The following SAE1 variants were observed in gnomAD, a reference collection of about 807,000 sequenced individuals.
The protein encoded by SAE1 is SUMO1 activating enzyme subunit 1.
Under a neutral mutation model 40.6 loss-of-function variants are expected in SAE1, and 11 were observed. That is an observed-to-expected ratio of 0.27 (90% CI 0.17 to 0.45). The LOEUF is 0.45. SAE1 is among the 20% of genes least tolerant of loss of function. The probability of loss-of-function intolerance (pLI) is 1.00; values close to 1 mark genes in which losing one functional copy is unlikely to be tolerated. For synonymous variants in SAE1, 155 were observed against 154.3 expected, an observed-to-expected ratio of 1.00 and a Z score of -0.03; for missense variants, 373 against 427.3, an observed-to-expected ratio of 0.87 and a Z score of 1.12.
chr19:47,147,305 C>T (rs2123201390), intron 2 of SAE1, among the ~76,000 whole-genome samples: 1 of 142,088 alleles, frequency 7.0e-6, no homozygotes, highest in South Asian at 2.3e-4. Flanking sequence ...TTCCTGGGCT[C>T]AGGGTATTCT....
chr19:47,177,840 G>A (rs1029343978), intron 6 of SAE1, among the ~76,000 whole-genome samples: 4 of 152,128 alleles, frequency 2.6e-5, no homozygotes, highest in African/African-American at 9.7e-5. Flanking sequence ...TGGGAAAGAG[G>A]GAAGAATATT....
At chr19:47,157,496 C>G (rs1157882151) in intron 5 of SAE1, among the ~76,000 whole-genome samples, 1 of 152,218 alleles carries the variant, frequency 6.6e-6, no homozygotes, top group Non-Finnish European at 1.5e-5. Flanking sequence ...AGGTCTTTCA[C>G]ATTCAAATGG....
At chr19:47,163,728 AAAATAAAT>A (rs996069051) in intron 5 of SAE1, among the ~76,000 whole-genome samples, 1 of 152,124 alleles carries the variant, frequency 6.6e-6, no homozygotes, top group Non-Finnish European at 1.5e-5. Context: ...CTCTATCTCA[AAAATAAAT>A]AAATAAATAA....
Position 47,143,955 on chromosome 19 carries a change from G to T in SAE1, c.210+350G>T, listed in dbSNP as rs117068689. ...AGTGACTAACTGAAAATGCAGAGTG[G>T]CCTGGAGGCTTCGTGGTGCCCTAGC... On this transcript the variant is annotated intron_variant, in intron 2 of 8. Coordinates refer to ENST00000270225, the MANE Select transcript of SAE1 (RefSeq NM_005500.3). 5.2e-3 allele frequency among the ~76,000 whole-genome samples: 787 copies of T among 152,278 alleles called. 2 individuals carry two copies. Among genetic ancestry groups the T allele is most frequent in the Non-Finnish European group, 9.0e-3 (609 of 68,030 alleles).
intron 1 of SAE1, among the ~76,000 whole-genome samples, chr19:47,132,536 T>G (rs2123169002): frequency 6.6e-6 from 1 of 151,600 alleles, no homozygotes; most frequent in Non-Finnish European, 1.5e-5. Flanking sequence ...CTCAGACTCC[T>G]AAAATGCTGG....
chr19:47,176,693 C>T (rs927944013), intron 6 of SAE1, among the ~76,000 whole-genome samples: 4 of 152,110 alleles, frequency 2.6e-5, no homozygotes, highest in Non-Finnish European at 5.9e-5. Flanking sequence ...ACCTGCTGTC[C>T]GCATGCATGT....
chr19:47,173,966 A>G (rs1307843976), intron 6 of SAE1, among the ~76,000 whole-genome samples: 1 of 151,702 alleles, frequency 6.6e-6, no homozygotes, highest in Non-Finnish European at 1.5e-5. Context: ...TTGTATTTTT[A>G]GTAGAGACGG....
At chr19:47,185,953 A>T (rs890698706) in intron 6 of SAE1, among the ~76,000 whole-genome samples, 5 of 149,436 alleles carry the variant, frequency 3.3e-5, no homozygotes, top group Middle Eastern at 3.2e-3. Flanking sequence ...AAAAATGCTT[A>T]TTGGCCCCGG....
rs185613942 is a variant in SAE1 at position 47,140,115 on chromosome 19, T to C, written c.99-3379T>C. On this transcript the variant is annotated intron_variant, in intron 1 of 8. Transcript: ENST00000270225. ...ACCACTCCCGGCTAATTTTTTTTTT[T>C]TTTCTTTTTGAAACAGACCCTTGTT... Among the ~76,000 whole-genome samples, 1,063 of 151,030 alleles carry C rather than the reference T, an allele frequency of 7.0e-3. 11 individuals are homozygous for C. The highest frequency in any genetic ancestry group is 0.025 in the African/African-American group (1,028 of 41,140).
intron 6 of SAE1, among the ~76,000 whole-genome samples, chr19:47,171,323 T>G (rs2058431038): frequency 6.7e-6 from 1 of 149,926 alleles, no homozygotes; most frequent in African/African-American, 2.5e-5. Context: ...AGACGGAGTC[T>G]AGCTCTGTCG....
At chr19:47,165,482 GGCAGAGGTATTCTTGA>G (rs1179168031) in intron 5 of SAE1, among the ~76,000 whole-genome samples, 2 of 152,144 alleles carry the variant, frequency 1.3e-5, no homozygotes, top group African/African-American at 4.8e-5. Flanking sequence ...AGGCATTCTA[GGCAGAGGTATTCTTGA>G]GCTGAGGAAG....
intron 6 of SAE1, among the ~76,000 whole-genome samples, chr19:47,190,592 T>C (rs2058572531): frequency 6.6e-6 from 1 of 152,282 alleles, no homozygotes; most frequent in South Asian, 2.1e-4. Flanking sequence ...CCAGAGGCCC[T>C]GCAAGGACTT....
intron 5 of SAE1, among the ~76,000 whole-genome samples, chr19:47,168,383 A>G (rs2058408772): frequency 6.6e-6 from 1 of 151,658 alleles, no homozygotes; most frequent in African/African-American, 2.4e-5. Flanking sequence ...GGCTCACTGC[A>G]GCCTCGACCT....
At chr19:47,202,055 T>G (rs934265563) in intron 7 of SAE1, among the ~76,000 whole-genome samples, 1 of 152,128 alleles carries the variant, frequency 6.6e-6, no homozygotes, top group Non-Finnish European at 1.5e-5. Context: ...GGAGGTGCCT[T>G]TGGACACAGC....
At chr19:47,186,069 G>A (rs957202728) in intron 6 of SAE1, among the ~76,000 whole-genome samples, 3 of 151,296 alleles carry the variant, frequency 2.0e-5, no homozygotes, top group Non-Finnish European at 3.0e-5. Flanking sequence ...GTGAAACCCC[G>A]TCTCTACTAA....
chr19:47,179,346 A>G (rs777596386), intron 6 of SAE1, among the ~76,000 whole-genome samples: 6 of 151,890 alleles, frequency 4.0e-5, no homozygotes, highest in Non-Finnish European at 7.4e-5. Context: ...TCTCTACTAA[A>G]GTACAAAAAA....
chr19:47,161,366 C>A (rs1486063999), intron 5 of SAE1, among the ~76,000 whole-genome samples: 3 of 152,054 alleles, frequency 2.0e-5, no homozygotes, highest in Admixed American at 6.6e-5. Context: ...AGCATCAATG[C>A]AGATAATGGA....
intron 4 of SAE1, 39 bp downstream of exon 4, chr19:47,153,079 T>G (rs761557764): frequency 1.3e-6 from 2 of 1,531,734 alleles, no homozygotes; most frequent in South Asian, 1.2e-5. Context: ...TAACATTTTC[T>G]CCTTTTTATA....
At chr19:47,178,039 G>A (rs968878948) in intron 6 of SAE1, among the ~76,000 whole-genome samples, 6 of 151,940 alleles carry the variant, frequency 3.9e-5, no homozygotes, top group African/African-American at 7.2e-5. Context: ...TCAAGAGATC[G>A]AGACCATCCT....
Sources: allele counts gnomAD v4.1 joint callset (sites outside exome capture counted in the v4.1 genomes callset), GRCh38; gene constraint gnomAD v4.1.1; transcripts MANE v1.5; gene names NCBI Gene and HGNC (gene_info 2026-07-23, HGNC 2026-07-21).